Variants in MAST2 observed in about 807,000 individuals in gnomAD.
MAST2 encodes microtubule associated serine/threonine kinase 2.
MAST2 carries 70 observed loss-of-function variants against 147.4 expected under a neutral mutation model. The observed-to-expected ratio is 0.47, with a 90% CI of 0.39 to 0.58. The LOEUF is 0.58. Among genes scored for constraint, MAST2 ranks in the 20% least tolerant of loss-of-function variants. The pLI is 0.00. For synonymous variants in MAST2, 869 were observed against 896.8 expected (o/e 0.97, Z 0.55); for missense variants, 2,080 against 2,302.3 (o/e 0.90, Z 1.98).
At chr1:45,951,129 G>A (rs1658869427) in intron 4 of MAST2, among the ~76,000 whole-genome samples, 1 of 152,050 alleles carries the variant, frequency 6.6e-6, no homozygotes, top group South Asian at 2.1e-4. Flanking sequence ...AGGCTGAGGT[G>A]AGGATTGCTT....
chr1:45,956,182 T>A (rs1325403089), intron 4 of MAST2, among the ~76,000 whole-genome samples: 2 of 152,182 alleles, frequency 1.3e-5, no homozygotes, highest in African/African-American at 2.4e-5. Context: ...TCAAATTTTA[T>A]TTTTTTAGTG....
chr1:46,023,092 G>A lies in MAST2; in HGVS notation c.1485+121G>A. On this transcript the variant is annotated intron_variant, in intron 13 of 28. Coordinates refer to ENST00000361297, the MANE Select transcript of MAST2 (RefSeq NM_015112.3). This position sits in a 1 kb window ranked among gnomAD's most constrained non-coding sequence, Gnocchi z 4.9. ...GGGGGAGTTGGTGACAGCAAACACT[G>A]AGAAGTCATTCTACTCCCAGAAGAA... is the stretch of plus-strand genomic sequence containing the variant. 1 of 1,204,828 alleles carries A rather than the reference G, an allele frequency of 8.3e-7. No individual in the cohort carries two copies. The highest frequency in any genetic ancestry group is 1.2e-6 in the Non-Finnish European group (1 of 814,754). The allele number at this position is 1,204,828 out of a possible 1,614,324, so 74.6% of individuals were successfully genotyped here. A position where few individuals can be genotyped will look rare whatever the true frequency, so the allele number is the denominator to read the frequency against.
chr1:46,035,245 C>G lies in MAST2; in HGVS notation c.4576C>G (p.His1526Asp). The G allele has an allele frequency of 6.2e-7, 1 of 1,613,986 alleles. No homozygotes were observed. The highest frequency in any genetic ancestry group is 8.5e-7 in the Non-Finnish European group (1 of 1,180,014). The change falls in exon 29 of 29, where the codon CAC becomes GAC. Residue 1526 changes from histidine to aspartate, a missense_variant. Around this residue, in one of 4 missense-constraint regions of MAST2, gnomAD observed 1,278 missense variants for 1,304.2 expected, o/e 0.98. Transcript: ENST00000361297. This position sits in a 1 kb window ranked among gnomAD's most constrained non-coding sequence, Gnocchi z 5.5. The stretch of plus-strand genomic sequence containing the variant: ...TGCACAGGAGCTGAGCTTGGCACCT[C>G]ACCCAGAAGTGAGCCAGAGTGTGGC... ...QGAQELSLAPHPEVSQSVAPK... is the reference protein window; with the variant it reads ...QGAQELSLAPDPEVSQSVAPK...
intron 4 of MAST2, chr1:45,913,856 G>A (rs1258830554): frequency 8.1e-7 from 1 of 1,242,212 alleles, no homozygotes; most frequent in East Asian, 7.1e-5. Flanking sequence ...AAGAGAGACT[G>A]GGAGCACCAT....
intron 4 of MAST2, among the ~76,000 whole-genome samples, chr1:45,954,813 G>A (rs973032586): frequency 6.6e-6 from 1 of 152,074 alleles, no homozygotes; most frequent in Non-Finnish European, 1.5e-5. Flanking sequence ...AAAGGCATGT[G>A]GCCTGGAAAT....
At chr1:45,860,847 T>G (rs775157591) in intron 3 of MAST2, among the ~76,000 whole-genome samples, 4 of 152,028 alleles carry the variant, frequency 2.6e-5, no homozygotes, top group African/African-American at 4.8e-5. Flanking sequence ...AAAAAAAATC[T>G]TACTACTCCT....
At chr1:45,986,008 A>G (rs183230271) in intron 5 of MAST2, among the ~76,000 whole-genome samples, 17 of 152,270 alleles carry the variant, frequency 1.1e-4, no homozygotes, top group African/African-American at 3.9e-4. Context: ...TTCTGGAGAT[A>G]CTCCTGTTGT....
intron 10 of MAST2, among the ~76,000 whole-genome samples, chr1:46,011,517 A>G (rs150972366): frequency 6.6e-6 from 1 of 152,356 alleles, no homozygotes; most frequent in East Asian, 1.9e-4. Flanking sequence ...AGAGTTCTTA[A>G]GCACTGCTTC....
intron 4 of MAST2, among the ~76,000 whole-genome samples, chr1:45,929,441 A>T (rs1654930303): frequency 6.6e-6 from 1 of 152,164 alleles, no homozygotes; most frequent in Admixed American, 6.5e-5. Context: ...TAGCTAACTG[A>T]TTGCTCAGCT....
At chr1:45,819,861 A>T (rs560734075) in intron 1 of MAST2, among the ~76,000 whole-genome samples, 52 of 152,328 alleles carry the variant, frequency 3.4e-4, no homozygotes, top group Middle Eastern at 6.8e-3. Context: ...TTTACGTGGA[A>T]CCACAGAGGA....
In MAST2 at chr1:46,030,173, G is replaced by A. The variant is rs1272332591; in HGVS notation, c.2488G>A (p.Glu830Lys). 1 of 1,614,246 alleles carries A rather than the reference G, an allele frequency of 6.2e-7. No homozygotes were observed. The highest frequency in any genetic ancestry group is 1.3e-5 in the African/African-American group (1 of 75,068). The change falls in exon 21 of 29, where the codon GAA (glutamate) becomes AAA (lysine). Residue 830 changes from glutamate to lysine, a missense_variant. This residue lies in a region of MAST2 where 1,278 missense variants were observed against 1,304.2 expected (regional missense o/e 0.98). Coordinates refer to ENST00000361297, the MANE Select transcript of MAST2 (RefSeq NM_015112.3). The part of the protein sequence containing the change: ...YHHMDSEDEE[E>K]VSEDGCLEIR... ...CCACATGGACTCGGAGGATGAGGAAGAAGTGAGTGAGGATGGCTGCCTTGA... is the reference window on the plus strand; with the variant it reads ...CCACATGGACTCGGAGGATGAGGAAAAAGTGAGTGAGGATGGCTGCCTTGA...
In MAST2 at chr1:46,031,051, G is replaced by T. The variant is rs1646641675; in HGVS notation, c.2753G>T (p.Ser918Ile). Residue 918 changes from serine to isoleucine, a missense_variant, in exon 23 of 29, where the codon AGT (serine) becomes ATT (isoleucine). Around this residue, in one of 4 missense-constraint regions of MAST2, gnomAD observed 1,278 missense variants for 1,304.2 expected, o/e 0.98. Transcript: ENST00000361297. This position sits in a 1 kb window ranked among gnomAD's most constrained non-coding sequence, Gnocchi z 4.1. ...LSVSESSHTE[S>I]DSSPPMTVRR... ...GTGTCTGAGTCATCCCACACAGAGA[G>T]TGACTCAAGCCCTCCAATGACAGTG... 6.2e-7 allele frequency: 1 copy of T among 1,613,774 alleles called. No homozygotes were observed. The highest frequency in any genetic ancestry group is 8.5e-7 in the Non-Finnish European group (1 of 1,179,888).
chr1:45,983,226 T>C (rs1439036822), intron 5 of MAST2, among the ~76,000 whole-genome samples: 1 of 152,200 alleles, frequency 6.6e-6, no homozygotes, highest in Admixed American at 6.5e-5. Flanking sequence ...ATTGATTACT[T>C]AATAAGTACA....
intron 4 of MAST2, among the ~76,000 whole-genome samples, chr1:45,896,577 T>A (rs1191220900): frequency 1.3e-5 from 2 of 152,070 alleles, no homozygotes; most frequent in Non-Finnish European, 2.9e-5. Context: ...AACTCTCTCA[T>A]GGGAGAGCCT....
intron 15 of MAST2, chr1:46,024,236 C>T: frequency 6.4e-6 from 3 of 468,014 alleles, no homozygotes; most frequent in East Asian, 4.2e-5. Context: ...CACCCCAAAG[C>T]CTGCACGCTC....
chr1:45,936,677 C>G (rs1182926405), intron 4 of MAST2, among the ~76,000 whole-genome samples: 3 of 152,156 alleles, frequency 2.0e-5, no homozygotes, highest in Admixed American at 6.5e-5. Flanking sequence ...ACTGGCACCA[C>G]TGTTCTCTTC....
chr1:45,885,532 C>G (rs1647043876), intron 4 of MAST2, among the ~76,000 whole-genome samples: 2 of 152,190 alleles, frequency 1.3e-5, no homozygotes, highest in South Asian at 4.1e-4. Context: ...ACAAGTAATT[C>G]CTCCAAAGTC....
In MAST2 at chr1:46,033,877, A is replaced by C; in HGVS notation, c.3613A>C (p.Ser1205Arg). 1 of 1,614,206 alleles carries C rather than the reference A, an allele frequency of 6.2e-7. No individual in the cohort carries two copies. The highest frequency in any genetic ancestry group is 8.5e-7 in the Non-Finnish European group (1 of 1,180,032). Reference protein sequence around the residue: ...SIKVGPARKGSYKAKMARRSK... With the variant: ...SIKVGPARKGRYKAKMARRSK... ...TAAAGTGGGGCCAGCTCGGAAGGGC[A>C]GCTACAAGGCCAAGATGGCCCGAAG... is the stretch of plus-strand genomic sequence containing the variant. Residue 1205 changes from serine to arginine, a missense_variant, in exon 27 of 29, where the codon AGC becomes CGC. Ser to Arg is a moderately radical substitution (Grantham distance 110). Around this residue, in one of 4 missense-constraint regions of MAST2, gnomAD observed 1,278 missense variants for 1,304.2 expected, o/e 0.98. Transcript: ENST00000361297.
At chr1:45,921,412 G>A (rs1653459106) in intron 4 of MAST2, among the ~76,000 whole-genome samples, 1 of 152,162 alleles carries the variant, frequency 6.6e-6, no homozygotes, top group Non-Finnish European at 1.5e-5. Context: ...GCTCAGGCCT[G>A]CTGGGCCCAG....
Sources: allele counts gnomAD v4.1 joint callset (sites outside exome capture counted in the v4.1 genomes callset), GRCh38; gene constraint gnomAD v4.1.1; regional missense constraint gnomAD v4.1.1; non-coding constraint Gnocchi (gnomAD v3.1); transcripts MANE v1.5; gene names NCBI Gene and HGNC (gene_info 2026-07-23, HGNC 2026-07-21).